The following NIPA2 variants were observed in gnomAD, a reference collection of about 807,000 sequenced individuals.
NIPA2 encodes the protein magnesium transporter NIPA2.
In NIPA2, 11 loss-of-function variants were observed where a neutral mutation model predicts 29.7. That is an observed-to-expected ratio of 0.37 (90% CI 0.23 to 0.61). NIPA2 has a LOEUF of 0.61. NIPA2 is among the 20% of genes least tolerant of loss of function. The pLI is 0.66. For synonymous variants in NIPA2, 183 were observed against 161.9 expected (o/e 1.13, Z -0.99); for missense variants, 426 against 437.9 (o/e 0.97, Z 0.24).
In NIPA2 at chr15:22,866,978, T is replaced by C. The variant is rs1279955214; in HGVS notation, c.*131T>C. Reference sequence around the variant, plus strand: ...AATCTTTTTAAAGATTTCACTAATTTGGACCAAGAAATTACTTTTCTTGTA... The same window carrying C: ...AATCTTTTTAAAGATTTCACTAATTCGGACCAAGAAATTACTTTTCTTGTA... On this transcript the variant is annotated 3_prime_UTR_variant, in exon 8 of 8. Transcript: ENST00000337451. 2 of 884,156 alleles carry C rather than the reference T, an allele frequency of 2.3e-6. No individual in the cohort carries two copies. Among genetic ancestry groups the C allele is most frequent in the Non-Finnish European group, 3.3e-6 (2 of 598,486 alleles). 54.8% of individuals were successfully genotyped at this position (884,156 alleles called of 1,614,324 possible). A position where few individuals can be genotyped will look rare whatever the true frequency, so the allele number is the denominator to read the frequency against.
At chr15:22,844,179 T>C (rs930315534) in intron 2 of NIPA2, among the ~76,000 whole-genome samples, 9 of 152,234 alleles carry the variant, frequency 5.9e-5, no homozygotes, top group African/African-American at 1.9e-4. Context: ...TAATTTTCTT[T>C]TATTTGAGAT....
At chr15:22,848,685 G>GCA (rs2057467672) in intron 3 of NIPA2, among the ~76,000 whole-genome samples, 2 of 112,464 alleles carry the variant, frequency 1.8e-5, no homozygotes, top group East Asian at 5.4e-4. Flanking sequence ...AACTAGCTGG[G>GCA]CATGGCAGCA....
Position 22,866,563 on chromosome 15 carries a change from CTTTT to C in NIPA2, c.801_804del (p.Phe268ArgfsTer15). ...ATCAGTTTTAACTTGTTCAGCTATT[CTTTT>C]TAAGGAGTGGCAAGATATGCCTGTT... On this transcript the variant is annotated frameshift_variant, in exon 8 of 8. Coordinates refer to ENST00000337451, the MANE Select transcript of NIPA2 (RefSeq NM_030922.7). LOFTEE classifies it high-confidence loss of function. 1 of 1,614,066 alleles carries C rather than the reference CTTTT, an allele frequency of 6.2e-7. No individual in the cohort carries two copies. The highest frequency in any genetic ancestry group is 8.5e-7 in the Non-Finnish European group (1 of 1,179,950).
At position 22,867,174 on chromosome 15, in the gene NIPA2, G is replaced by A; in HGVS notation, c.*327G>A. 9.0e-6 allele frequency: 4 copies of A among 442,488 alleles called. No individual in the cohort carries two copies. The highest frequency in any genetic ancestry group is 1.6e-5 in the Non-Finnish European group (4 of 253,236). The allele number at this position is 442,488 out of a possible 1,614,324, so 27.4% of individuals were successfully genotyped here. On this transcript the variant is annotated 3_prime_UTR_variant, in exon 8 of 8. Transcript: ENST00000337451. ...CTTTATTTTTTCATTGGTGATGAAA[G>A]TCTGAAATGTGCATTTGTCATCCCC... is the stretch of plus-strand genomic sequence containing the variant.
chr15:22,846,618 G>A (rs1405351324), intron 3 of NIPA2, among the ~76,000 whole-genome samples: 1 of 151,926 alleles, frequency 6.6e-6, no homozygotes, highest in Non-Finnish European at 1.5e-5. Context: ...TTTGGGACCA[G>A]CCTGGACAAC....
chr15:22,865,028 A>AT (rs1429884974), intron 7 of NIPA2, among the ~76,000 whole-genome samples: 1 of 151,646 alleles, frequency 6.6e-6, no homozygotes, highest in Non-Finnish European at 1.5e-5. Context: ...CGCCTGGCTA[A>AT]TTTTTGTATT....
intron 5 of NIPA2, among the ~76,000 whole-genome samples, chr15:22,857,220 C>T (rs2058248488): frequency 6.6e-6 from 1 of 151,682 alleles, no homozygotes; most frequent in Admixed American, 6.6e-5. Flanking sequence ...CACCTTAGGT[C>T]AGGAGTTCAA....
intron 3 of NIPA2, among the ~76,000 whole-genome samples, chr15:22,846,838 A>AT (rs781064399): frequency 0.052 from 7,129 of 136,906 alleles, 335 homozygotes; most frequent in African/African-American, 0.13. Context: ...AATAATAATA[A>AT]TAATTATTAT....
In NIPA2 at chr15:22,866,791, G is replaced by T; in HGVS notation, c.1027G>T (p.Glu343Ter). The T allele has an allele frequency of 6.2e-7, 1 of 1,611,732 alleles. No individual in the cohort carries two copies. The highest frequency in any genetic ancestry group is 8.5e-7 in the Non-Finnish European group (1 of 1,178,580). ...NNEESLTCGI[E>*]QHTGENVSRR... ...TGAAGAAAGCTTAACCTGTGGAATC[G>T]AACAACACACTGGTGAAAATGTCTC... is the stretch of plus-strand genomic sequence containing the variant. The change falls in exon 8 of 8, where the codon GAA becomes TAA. Residue 343 changes from glutamate to a stop codon, truncating the protein, a stop_gained. Transcript: ENST00000337451. LOFTEE classifies it high-confidence loss of function.
At chr15:22,865,922 C>T (rs1051234582) in intron 7 of NIPA2, among the ~76,000 whole-genome samples, 3 of 152,080 alleles carry the variant, frequency 2.0e-5, no homozygotes, top group African/African-American at 7.2e-5. Flanking sequence ...TGTTCTGTTC[C>T]CACTGTCCCT....
In NIPA2 at chr15:22,854,484, C is replaced by A. The variant is rs545317299; in HGVS notation, c.196+1216C>A. Reference sequence around the variant, plus strand: ...ATTGGGCCGGGCGCGGTGGCTCACACCTGTAATCCCAGCACTTTGGGAGGC... The same window carrying A: ...ATTGGGCCGGGCGCGGTGGCTCACAACTGTAATCCCAGCACTTTGGGAGGC... On this transcript the variant is annotated intron_variant, in intron 5 of 7. Transcript: ENST00000337451. 5.3e-5 allele frequency among the ~76,000 whole-genome samples: 8 copies of A among 151,644 alleles called. No individual in the cohort carries two copies. In the South Asian group the frequency reaches 8.4e-4, roughly 16 times the overall value.
intron 3 of NIPA2, among the ~76,000 whole-genome samples, chr15:22,846,518 AC>A (rs1336542633): frequency 1.3e-5 from 2 of 152,194 alleles, no homozygotes; most frequent in African/African-American, 4.8e-5. Context: ...GGTTCATGAT[AC>A]AAGTAAAATC....
In NIPA2 at chr15:22,854,918, G is replaced by C. The variant is rs148121569; in HGVS notation, c.196+1650G>C. Among the ~76,000 whole-genome samples, 605 of 152,154 alleles carry C rather than the reference G, an allele frequency of 4.0e-3. 4 individuals carry two copies. Among genetic ancestry groups the C allele is most frequent in the African/African-American group, 0.014 (586 of 41,506 alleles). ...CCATCTGATTAAAACATGTTTGATA[G>C]GCCTGTGCATTTTTAAAATTTCTGC... is the stretch of plus-strand genomic sequence containing the variant. On this transcript the variant is annotated intron_variant, in intron 5 of 7. Coordinates refer to ENST00000337451, the MANE Select transcript of NIPA2 (RefSeq NM_030922.7).
intron 3 of NIPA2, among the ~76,000 whole-genome samples, chr15:22,849,703 G>A (rs1475371746): frequency 6.6e-6 from 1 of 151,992 alleles, no homozygotes; most frequent in African/African-American, 2.4e-5. Context: ...GGAACTACAG[G>A]CGCCTGCCAC....
At chr15:22,864,311 G>C (rs1379392485) in intron 7 of NIPA2, among the ~76,000 whole-genome samples, 2 of 151,918 alleles carry the variant, frequency 1.3e-5, no homozygotes, top group South Asian at 2.1e-4. Context: ...CCCACCACCA[G>C]GCCTGGCTAA....
chr15:22,843,918 G>A (rs1316619048), intron 2 of NIPA2, among the ~76,000 whole-genome samples: 4 of 152,120 alleles, frequency 2.6e-5, no homozygotes, highest in East Asian at 1.9e-4. Flanking sequence ...GGCTGGTCTC[G>A]AACTCCTGGC....
In NIPA2 at chr15:22,866,920, AAAC is replaced by A. The variant is rs1303091935; in HGVS notation, c.*75_*77del. ...GAATATCATCAGAATGTGTCTGAAA[AAAC>A]ATTGTCCTCAAATAATGTTCTTTAA... On this transcript the variant is annotated 3_prime_UTR_variant, in exon 8 of 8. Transcript: ENST00000337451. 7.4e-7 allele frequency: 1 copy of A among 1,356,812 alleles called. No individual in the cohort carries two copies. The highest frequency in any genetic ancestry group is 1.0e-6 in the Non-Finnish European group (1 of 1,000,618). 84.0% of individuals were successfully genotyped at this position (1,356,812 alleles called of 1,614,324 possible). A position where few individuals can be genotyped will look rare whatever the true frequency, so the allele number is the denominator to read the frequency against.
intron 6 of NIPA2, among the ~76,000 whole-genome samples, chr15:22,859,328 T>A (rs2058450487): frequency 6.8e-6 from 1 of 146,328 alleles, no homozygotes; most frequent in Non-Finnish European, 1.5e-5. Flanking sequence ...AGTCTTGCTC[T>A]GTCGCCCACG....
chr15:22,853,235 A>C lies in NIPA2; in HGVS notation c.163A>C (p.Lys55Gln), dbSNP rs764586625. The C allele has an allele frequency of 2.5e-6, 4 of 1,611,404 alleles. No individual in the cohort carries two copies. In the Admixed American group the frequency reaches 6.7e-5, roughly 27 times the overall value. Reference sequence around the variant, plus strand: ...AGGTCAAGGTGGCCATGCATATCTTAAGGAATGGTTGTGGTGGGCTGGACT... The same window carrying C: ...AGGTCAAGGTGGCCATGCATATCTTCAGGAATGGTTGTGGTGGGCTGGACT... ...RAGQGGHAYL[K>Q]EWLWWAGLLS... The change falls in exon 5 of 8, where the codon AAG becomes CAG. Residue 55 changes from lysine to glutamine, a missense_variant. Around this residue, in one of 3 missense-constraint regions of NIPA2, gnomAD observed 57 missense variants for 66.6 expected, o/e 0.86. Coordinates refer to ENST00000337451, the MANE Select transcript of NIPA2 (RefSeq NM_030922.7).
Sources: allele counts gnomAD v4.1 joint callset (sites outside exome capture counted in the v4.1 genomes callset), GRCh38; gene constraint gnomAD v4.1.1; regional missense constraint gnomAD v4.1.1; transcripts MANE v1.5; gene names NCBI Gene and HGNC (gene_info 2026-07-23, HGNC 2026-07-21).